Variants in NOL10 observed in about 807,000 individuals in gnomAD.
The protein encoded by NOL10 is H_NH0074G24.1.
In NOL10, 58 loss-of-function variants were observed where a neutral mutation model predicts 103.5. That is an observed-to-expected ratio of 0.56 (90% CI 0.45 to 0.70). The LOEUF (loss-of-function observed/expected upper bound fraction) is 0.70. Among genes scored for constraint, NOL10 ranks in the 30% least tolerant of loss-of-function variants. NOL10 has a pLI of 0.00. For synonymous variants in NOL10, 287 were observed against 282.5 expected, an observed-to-expected ratio of 1.02 and a Z score of -0.16; for missense variants, 763 against 807.3, an observed-to-expected ratio of 0.95 and a Z score of 0.67.
intron 19 of NOL10, among the ~76,000 whole-genome samples, chr2:10,586,630 T>C (rs918033256): frequency 6.6e-6 from 1 of 152,116 alleles, no homozygotes; most frequent in Non-Finnish European, 1.5e-5. Flanking sequence ...TTCCTCCTCT[T>C]CTGACTCTGC....
chr2:10,607,292 C>T lies in NOL10; in HGVS notation c.1046G>A (p.Arg349Gln), dbSNP rs1034722279. Residue 349 changes from arginine (R) to glutamine (Q), a missense_variant, in exon 14 of 21, where the codon CGG (arginine) becomes CAG (glutamine). Coordinates refer to ENST00000381685, the MANE Select transcript of NOL10 (RefSeq NM_024894.4). ...YYIPVLGPAP[R>Q]WCSFLDNLTE... ...CAAGTTGTCTAAGAAGGAACACCAC[C>T]GAGGAGCAGGACCCAAAACCTGTTG... 3.1e-6 allele frequency: 5 copies of T among 1,605,206 alleles called. No homozygotes were observed. Among genetic ancestry groups the T allele is most frequent in the Non-Finnish European group, 3.4e-6 (4 of 1,175,668 alleles).
intron 13 of NOL10, among the ~76,000 whole-genome samples, chr2:10,630,869 T>G (rs183003057): frequency 1.3e-5 from 2 of 152,338 alleles, no homozygotes; most frequent in African/African-American, 2.4e-5. Flanking sequence ...TCCTTTAGTG[T>G]GGACAAGATT....
chr2:10,679,084 G>A (rs1572436500), intron 3 of NOL10, among the ~76,000 whole-genome samples: 1 of 151,938 alleles, frequency 6.6e-6, no homozygotes, highest in South Asian at 2.1e-4. Flanking sequence ...TTTTGGCCGG[G>A]TGCGGTGGCT....
intron 13 of NOL10, among the ~76,000 whole-genome samples, chr2:10,617,353 T>C (rs6727768): frequency 0.59 from 89,910 of 151,950 alleles, 27,595 homozygotes; most frequent in African/African-American, 0.74. Context: ...GCTGGGCGAC[T>C]GACTGGTTCC....
chr2:10,596,904 C>CCT (rs374513776), intron 17 of NOL10, among the ~76,000 whole-genome samples: 2 of 152,304 alleles, frequency 1.3e-5, no homozygotes, highest in African/African-American at 4.8e-5. Flanking sequence ...GATGCCCATG[C>CCT]CTCTCAAAGC....
intron 13 of NOL10, among the ~76,000 whole-genome samples, chr2:10,614,310 G>A (rs891587727): frequency 1.3e-5 from 2 of 151,922 alleles, no homozygotes; most frequent in Non-Finnish European, 2.9e-5. Context: ...TACCCTTACT[G>A]TGAGGCCATG....
chr2:10,628,500 C>T (rs1390105001), intron 13 of NOL10, among the ~76,000 whole-genome samples: 1 of 152,142 alleles, frequency 6.6e-6, no homozygotes, highest in Non-Finnish European at 1.5e-5. Flanking sequence ...AATTGTTCCC[C>T]TTCTCCTACT....
At chr2:10,623,193 C>A (rs1291328836) in intron 13 of NOL10, among the ~76,000 whole-genome samples, 1 of 143,408 alleles carries the variant, frequency 7.0e-6, no homozygotes, top group Non-Finnish European at 1.5e-5. Flanking sequence ...CAAAGGCATG[C>A]CACTCTAGTT....
intron 13 of NOL10, among the ~76,000 whole-genome samples, chr2:10,614,162 G>T (rs891620431): frequency 6.6e-6 from 1 of 152,108 alleles, no homozygotes; most frequent in Non-Finnish European, 1.5e-5. Context: ...GTTTCACCAC[G>T]TTGGCCAGGC....
At chr2:10,689,732 G>A in intron 1 of NOL10, 64 bp downstream of exon 1, 1 of 1,461,470 alleles carries the variant, frequency 6.8e-7, no homozygotes, top group South Asian at 1.2e-5. Context: ...GGAGAGGGGC[G>A]GCTGCCCCAC....
rs146531291 is a variant in NOL10 at position 10,646,684 on chromosome 2, G to A, written c.974-2312C>T. Among the ~76,000 whole-genome samples the A allele has an allele frequency of 4.5e-4, 68 of 152,298 alleles. 1 individual carries two copies. The highest frequency in any genetic ancestry group is 1.5e-3 in the African/African-American group (64 of 41,558). On this transcript the variant is annotated intron_variant, in intron 12 of 20. Transcript: ENST00000381685. ...GAGAAGAGAAGAGCATGAGCATCGC[G>A]CCAGGCAAGTCACATTCTCAGCAAG...
At chr2:10,660,387 A>G (rs1680118615) in intron 9 of NOL10, among the ~76,000 whole-genome samples, 1 of 152,030 alleles carries the variant, frequency 6.6e-6, no homozygotes, top group South Asian at 2.1e-4. Flanking sequence ...GCATGATCTC[A>G]GCTCTCTGCA....
intron 1 of NOL10, among the ~76,000 whole-genome samples, chr2:10,686,781 C>T (rs1158909535): frequency 6.6e-6 from 1 of 151,802 alleles, no homozygotes; most frequent in Non-Finnish European, 1.5e-5. Context: ...TTTTTGGCAT[C>T]AACAGCTTGC....
At chr2:10,604,330 T>A (rs570434261) in intron 14 of NOL10, among the ~76,000 whole-genome samples, 29 of 152,300 alleles carry the variant, frequency 1.9e-4, no homozygotes, top group Admixed American at 2.6e-4. Context: ...TATACATCCA[T>A]CTAGACCTGA....
chr2:10,613,924 C>T (rs1676701726), intron 13 of NOL10, among the ~76,000 whole-genome samples: 1 of 151,024 alleles, frequency 6.6e-6, no homozygotes, highest in African/African-American at 2.4e-5. Flanking sequence ...CACTAGCAAC[C>T]CACACTCTAA....
chr2:10,679,138 T>A (rs994253423), intron 3 of NOL10, among the ~76,000 whole-genome samples: 2 of 152,026 alleles, frequency 1.3e-5, no homozygotes, highest in Non-Finnish European at 2.9e-5. Flanking sequence ...GGTGGGCGGA[T>A]CACCTGAGTT....
At chr2:10,596,984 T>A (rs1020124249) in intron 17 of NOL10, among the ~76,000 whole-genome samples, 2 of 151,970 alleles carry the variant, frequency 1.3e-5, no homozygotes, top group Non-Finnish European at 2.9e-5. Flanking sequence ...TTTTTTTTTT[T>A]AAAGAGATGC....
intron 3 of NOL10, among the ~76,000 whole-genome samples, chr2:10,676,119 A>G (rs1681288060): frequency 6.6e-6 from 1 of 152,268 alleles, no homozygotes. Context: ...AAATACATGC[A>G]AACAATGAAA....
chr2:10,576,750 C>T (rs767394109), intron 20 of NOL10, among the ~76,000 whole-genome samples: 46 of 152,148 alleles, frequency 3.0e-4, no homozygotes, highest in Non-Finnish European at 4.9e-4. Context: ...TATAGGGCTT[C>T]TTTCTGGGGT....
Sources: allele counts gnomAD v4.1 joint callset (sites outside exome capture counted in the v4.1 genomes callset), GRCh38; gene constraint gnomAD v4.1.1; transcripts MANE v1.5; gene names NCBI Gene and HGNC (gene_info 2026-07-23, HGNC 2026-07-21).